The following DCDC1 variants were observed in gnomAD, a reference collection of about 807,000 sequenced individuals.
DCDC1 encodes doublecortin domain-containing protein 1.
DCDC1 carries 200 observed loss-of-function variants against 178.3 expected under a neutral mutation model. That is an observed-to-expected ratio of 1.12 (90% CI 1.00 to 1.26). The LOEUF (loss-of-function observed/expected upper bound fraction) is 1.26. DCDC1 is among the 50% of genes most tolerant of loss of function. The pLI, the probability that DCDC1 is intolerant of heterozygous loss-of-function variation, is 0.00. For synonymous variants in DCDC1, 690 were observed against 604.8 expected (o/e 1.14, Z -2.07); for missense variants, 1,983 against 1,749.2 (o/e 1.13, Z -2.38).
At chr11:31,126,657 T>C (rs1174348188) in intron 11 of DCDC1, among the ~76,000 whole-genome samples, 1 of 152,156 alleles carries the variant, frequency 6.6e-6, no homozygotes, top group Non-Finnish European at 1.5e-5. Flanking sequence ...AAATGACGAG[T>C]TGTAGTAACC....
chr11:31,018,927 A>G (rs1952677493), intron 20 of DCDC1, among the ~76,000 whole-genome samples: 1 of 152,164 alleles, frequency 6.6e-6, no homozygotes, highest in African/African-American at 2.4e-5. Context: ...CTGAAATGGA[A>G]TAAGGATGAG....
In DCDC1 at chr11:30,906,734, G is replaced by C. The variant is rs1479393949; in HGVS notation, c.3919-9C>G. 1 of 1,608,500 alleles carries C rather than the reference G, an allele frequency of 6.2e-7. No individual in the cohort carries two copies. Among genetic ancestry groups the C allele is most frequent in the Non-Finnish European group, 8.5e-7 (1 of 1,177,010 alleles). On this transcript the variant is annotated splice_polypyrimidine_tract_variant and intron_variant, in intron 29 of 38. Transcript: ENST00000684477. ...GAGAGATAACAGTATCCCTAAAATGGGAGACAAAGATGGCTTTATATAGGA... is the reference window on the plus strand; with the variant it reads ...GAGAGATAACAGTATCCCTAAAATGCGAGACAAAGATGGCTTTATATAGGA...
chr11:30,936,796 C>A (rs1947306895), intron 21 of DCDC1, among the ~76,000 whole-genome samples: 1 of 152,154 alleles, frequency 6.6e-6, no homozygotes, highest in African/African-American at 2.4e-5. Flanking sequence ...CTCTCCCTCC[C>A]AGATAAGCGA....
intron 3 of DCDC1, among the ~76,000 whole-genome samples, chr11:31,314,201 CATT>C (rs1180671919): frequency 5.9e-5 from 9 of 152,154 alleles, no homozygotes; most frequent in African/African-American, 1.9e-4. Context: ...TTTATCATTG[CATT>C]ATTTAATCTT....
chr11:31,321,631 G>C (rs1949365221), intron 3 of DCDC1, among the ~76,000 whole-genome samples: 1 of 150,944 alleles, frequency 6.6e-6, no homozygotes, highest in Admixed American at 6.6e-5. Context: ...CGCTCACGCT[G>C]GGAGCTGTAG....
At chr11:31,006,891 C>T (rs1951877120) in intron 20 of DCDC1, among the ~76,000 whole-genome samples, 1 of 152,086 alleles carries the variant, frequency 6.6e-6, no homozygotes, top group Admixed American at 6.6e-5. Flanking sequence ...TAAAATTCTC[C>T]CAGTCATTTA....
At chr11:31,281,056 T>C (rs1192369756) in intron 7 of DCDC1, 5 of 480,912 alleles carry the variant, frequency 1.0e-5, no homozygotes, top group Non-Finnish European at 2.0e-5. Context: ...CTCCTTAAAT[T>C]TCACTTTCTA....
At position 31,130,980 on chromosome 11, in the gene DCDC1, A is replaced by G. The variant is rs1315117924; in HGVS notation, c.1315-3341T>C. 6.3e-5 allele frequency among the ~76,000 whole-genome samples: 2 copies of G among 31,786 alleles called. 1 individual carries two copies. Among genetic ancestry groups the G allele is most frequent in the Non-Finnish European group, 1.5e-4 (2 of 12,936 alleles). The allele number at this position is 31,786 out of a possible 152,430, so 20.9% of individuals were successfully genotyped here. A position where few individuals can be genotyped will look rare whatever the true frequency, so the allele number is the denominator to read the frequency against. Reference sequence around the variant, plus strand: ...GGTGGATCATGAGGTCAGGAGATCGAGACCATCCTGGCTAACAAGGTGAAA... The same window carrying G: ...GGTGGATCATGAGGTCAGGAGATCGGGACCATCCTGGCTAACAAGGTGAAA... On this transcript the variant is annotated intron_variant, in intron 10 of 38. Coordinates refer to ENST00000684477, the MANE Select transcript of DCDC1 (RefSeq NM_001387274.1).
intron 20 of DCDC1, among the ~76,000 whole-genome samples, chr11:30,987,533 G>A (rs1156688538): frequency 1.3e-5 from 2 of 152,142 alleles, no homozygotes. Flanking sequence ...AAGTCAACAT[G>A]ATAGAGATGG....
At chr11:31,254,951 T>C (rs572570715) in intron 8 of DCDC1, among the ~76,000 whole-genome samples, 1 of 152,256 alleles carries the variant, frequency 6.6e-6, no homozygotes, top group South Asian at 2.1e-4. Context: ...AGAGTCTCCT[T>C]TTCCCTCAGG....
intron 16 of DCDC1, among the ~76,000 whole-genome samples, chr11:31,092,000 G>A (rs976549961): frequency 1.3e-5 from 2 of 152,240 alleles, no homozygotes; most frequent in Non-Finnish European, 2.9e-5. Context: ...TATTTTAAAT[G>A]TTAGGATTTT....
intron 21 of DCDC1, among the ~76,000 whole-genome samples, chr11:30,940,753 T>C (rs1019892497): frequency 6.6e-6 from 1 of 152,204 alleles, no homozygotes; most frequent in Non-Finnish European, 1.5e-5. Context: ...TGTAAGAGCA[T>C]TGGTTTCTGC....
intron 18 of DCDC1, among the ~76,000 whole-genome samples, chr11:31,070,552 C>T (rs1415046687): frequency 6.6e-6 from 1 of 152,296 alleles, no homozygotes; most frequent in Non-Finnish European, 1.5e-5. Context: ...AACCTACAGT[C>T]CTATCCTGGT....
chr11:30,956,772 C>T (rs1231975618), intron 20 of DCDC1, among the ~76,000 whole-genome samples: 4 of 151,972 alleles, frequency 2.6e-5, no homozygotes, highest in African/African-American at 9.7e-5. Flanking sequence ...AAAGAGAGAG[C>T]ATGAGATCGG....
chr11:30,907,573 A>T (rs1458996903), intron 29 of DCDC1, among the ~76,000 whole-genome samples: 2 of 152,190 alleles, frequency 1.3e-5, no homozygotes, highest in Non-Finnish European at 2.9e-5. Flanking sequence ...TGGAACCCCG[A>T]GACCACAATG....
intron 7 of DCDC1, among the ~76,000 whole-genome samples, chr11:31,277,431 T>C (rs965407986): frequency 6.6e-6 from 1 of 152,170 alleles, no homozygotes; most frequent in Non-Finnish European, 1.5e-5. Flanking sequence ...TATCTTGGTA[T>C]ATATCTAAAA....
chr11:31,116,339 CAAATA>C (rs1487935682), intron 11 of DCDC1, among the ~76,000 whole-genome samples: 5 of 151,146 alleles, frequency 3.3e-5, no homozygotes, highest in Non-Finnish European at 7.4e-5. Context: ...TTACCTAAAT[CAAATA>C]ACACAAAAAT....
intron 7 of DCDC1, among the ~76,000 whole-genome samples, chr11:31,267,268 G>A (rs551409159): frequency 3.3e-5 from 5 of 151,702 alleles, no homozygotes; most frequent in East Asian, 1.9e-4. Context: ...TCAGCTCACC[G>A]CAACCTCCGT....
At chr11:31,077,677 G>A (rs542770880) in intron 18 of DCDC1, among the ~76,000 whole-genome samples, 188 bp downstream of exon 18, 120 of 151,810 alleles carry the variant, frequency 7.9e-4, no homozygotes, top group African/African-American at 2.8e-3. Flanking sequence ...TAGAAAATGT[G>A]TTTTAAAATT....
Sources: allele counts gnomAD v4.1 joint callset (sites outside exome capture counted in the v4.1 genomes callset), GRCh38; gene constraint gnomAD v4.1.1; transcripts MANE v1.5; gene names NCBI Gene and HGNC (gene_info 2026-07-23, HGNC 2026-07-21).